Variants in MYO1E observed in about 807,000 individuals in gnomAD.
MYO1E encodes the protein myosin IE, also known as unconventional myosin-Ie.
A neutral mutation model predicts 151.1 loss-of-function variants in MYO1E; 68 were observed. The ratio of observed to expected loss-of-function variants is 0.45; its 90% CI spans 0.37 to 0.55. MYO1E has a LOEUF of 0.55. Among genes scored for constraint, MYO1E ranks in the 20% least tolerant of loss-of-function variants. MYO1E has a pLI of 0.00. For synonymous variants in MYO1E, 601 were observed against 501.7 expected (o/e 1.20, Z -2.64); for missense variants, 1,363 against 1,389.3 (o/e 0.98, Z 0.30).
At chr15:59,340,915 G>A (rs543504448) in intron 1 of MYO1E, among the ~76,000 whole-genome samples, 4 of 151,084 alleles carry the variant, frequency 2.6e-5, no homozygotes, top group South Asian at 2.1e-4. Context: ...CCAGCTACTC[G>A]GGAGGCTGAG....
intron 1 of MYO1E, among the ~76,000 whole-genome samples, chr15:59,314,520 T>C (rs1197907345): frequency 1.3e-5 from 2 of 152,202 alleles, no homozygotes; most frequent in Non-Finnish European, 2.9e-5. Flanking sequence ...AGAAGGCCTC[T>C]GACCCAAGCC....
intron 26 of MYO1E, among the ~76,000 whole-genome samples, chr15:59,143,675 C>T (rs773431814): frequency 2.0e-5 from 3 of 152,140 alleles, no homozygotes; most frequent in Admixed American, 6.5e-5. Flanking sequence ...TTCACCCTCA[C>T]GACACTCCTG....
chr15:59,305,246 G>T (rs12050829), intron 1 of MYO1E, among the ~76,000 whole-genome samples: 42,079 of 151,866 alleles, frequency 0.28, 7,461 homozygotes, highest in African/African-American at 0.5. Context: ...CAGGTTGGAG[G>T]GCAGTGGCAT....
intron 18 of MYO1E, among the ~76,000 whole-genome samples, chr15:59,184,440 A>G (rs1477837584): frequency 6.6e-6 from 1 of 151,930 alleles, no homozygotes; most frequent in East Asian, 1.9e-4. Context: ...CACTCACTGC[A>G]GCCTCTGCCT....
At chr15:59,288,629 T>C (rs553906424) in intron 1 of MYO1E, among the ~76,000 whole-genome samples, 2 of 152,324 alleles carry the variant, frequency 1.3e-5, no homozygotes, top group Non-Finnish European at 2.9e-5. Context: ...ATTGGATGTA[T>C]GATATTTCAA....
intron 1 of MYO1E, among the ~76,000 whole-genome samples, chr15:59,314,108 A>G (rs74482014): frequency 0.01 from 1,546 of 152,284 alleles, 28 homozygotes; most frequent in African/African-American, 0.035. Context: ...AGGGCAGAGT[A>G]TGTTACAGAG....
At chr15:59,172,592 C>G (rs1181041555) in intron 21 of MYO1E, among the ~76,000 whole-genome samples, 3 of 152,172 alleles carry the variant, frequency 2.0e-5, no homozygotes, top group African/African-American at 7.2e-5. Context: ...AACTGGCAAA[C>G]TCATATGGAG....
At chr15:59,202,282 C>G in intron 16 of MYO1E, 44 bp downstream of exon 16, 2 of 1,557,340 alleles carry the variant, frequency 1.3e-6, no homozygotes, top group Non-Finnish European at 1.8e-6. Flanking sequence ...CTAGAAAGCG[C>G]TAGCCCTTAT....
chr15:59,356,046 C>A (rs1266852252), intron 1 of MYO1E, among the ~76,000 whole-genome samples: 1 of 152,208 alleles, frequency 6.6e-6, no homozygotes, highest in Non-Finnish European at 1.5e-5. Flanking sequence ...GGCATCTACA[C>A]TTGTGAAAAT....
At position 59,140,832 on chromosome 15, in the gene MYO1E, C is replaced by T. The variant is rs181696925; in HGVS notation, c.3081-2465G>A. On this transcript the variant is annotated intron_variant, in intron 26 of 27. Transcript: ENST00000288235. ...GAGACTCGGCTTTTACACCACCCCA[C>T]GTGGGAGGGAGCAATCCTCAAGGCT... Among the ~76,000 whole-genome samples the T allele has an allele frequency of 4.9e-4, 74 of 152,306 alleles. 1 individual carries two copies. The highest frequency in any genetic ancestry group is 1.0e-3 in the Admixed American group (16 of 15,312).
chr15:59,330,427 T>C (rs184961357), intron 1 of MYO1E, among the ~76,000 whole-genome samples: 264 of 152,310 alleles, frequency 1.7e-3, no homozygotes, highest in African/African-American at 6.1e-3. Flanking sequence ...GGCAATGCAA[T>C]GTAAAAAGTG....
At chr15:59,161,489 A>G (rs778785674) in intron 23 of MYO1E, among the ~76,000 whole-genome samples, 28 of 152,148 alleles carry the variant, frequency 1.8e-4, no homozygotes, top group Non-Finnish European at 3.7e-4. Context: ...ACATCTGGCT[A>G]ATGTGCCAGT....
intron 9 of MYO1E, among the ~76,000 whole-genome samples, chr15:59,221,535 C>T (rs1321916116): frequency 1.3e-5 from 2 of 152,156 alleles, no homozygotes; most frequent in East Asian, 1.9e-4. Context: ...CCTCAAGCCA[C>T]GTTAATGTAT....
chr15:59,251,921 AG>A (rs550595845), intron 4 of MYO1E, among the ~76,000 whole-genome samples: 132 of 152,380 alleles, frequency 8.7e-4, no homozygotes, highest in African/African-American at 2.9e-3. Flanking sequence ...AAACCAGAAA[AG>A]AAATTTTAAA....
At position 59,295,734 on chromosome 15, in the gene MYO1E, G is replaced by A. The variant is rs536711827; in HGVS notation, c.4-23285C>T. Among the ~76,000 whole-genome samples, 3 of 152,184 alleles carry A rather than the reference G, an allele frequency of 2.0e-5. No individual in the cohort carries two copies. In the South Asian group the frequency reaches 6.2e-4, roughly 32 times the overall value. ...GGTATAATTATCTCGGTGTTACAGC[G>A]TGGAAAGGCTGGCAAAATTCCCCTC... On this transcript the variant is annotated intron_variant, in intron 1 of 27. Coordinates refer to ENST00000288235, the MANE Select transcript of MYO1E (RefSeq NM_004998.4).
At chr15:59,356,807 G>A (rs1272582170) in intron 1 of MYO1E, among the ~76,000 whole-genome samples, 2 of 152,026 alleles carry the variant, frequency 1.3e-5, no homozygotes, top group African/African-American at 2.4e-5. Flanking sequence ...AAGCTCAAGG[G>A]ATCTGCCTCC....
At chr15:59,243,894 C>T (rs1162364504) in intron 4 of MYO1E, among the ~76,000 whole-genome samples, 1 of 151,852 alleles carries the variant, frequency 6.6e-6, no homozygotes, top group African/African-American at 2.4e-5. Flanking sequence ...TTCACAGACT[C>T]CGCTTCCTGG....
At position 59,181,839 on chromosome 15, in the gene MYO1E, TTC is replaced by T. The variant is rs551301781; in HGVS notation, c.1905-3304_1905-3303del. Among the ~76,000 whole-genome samples, 58 of 152,354 alleles carry T rather than the reference TTC, an allele frequency of 3.8e-4. No homozygotes were observed. The South Asian group carries it at 9.1e-3, about 24-fold the overall frequency. On this transcript the variant is annotated intron_variant, in intron 18 of 27. Coordinates refer to ENST00000288235, the MANE Select transcript of MYO1E (RefSeq NM_004998.4). The stretch of plus-strand genomic sequence containing the variant: ...TATCCTTTCCCTTCAGGCTTTTACT[TTC>T]TGTTTCTCATTTGGCAGCCTTTCTG...
At chr15:59,316,358 G>A (rs566287162) in intron 1 of MYO1E, among the ~76,000 whole-genome samples, 20 of 152,144 alleles carry the variant, frequency 1.3e-4, no homozygotes, top group African/African-American at 2.4e-4. Context: ...CTTCCTTGCC[G>A]GCACCCATTA....
Sources: gnomAD v4.1 joint callset for allele counts (sites outside exome capture counted in the v4.1 genomes callset) on GRCh38, gnomAD v4.1.1 for gene constraint, MANE v1.5 for transcripts, NCBI Gene and HGNC (gene_info 2026-07-23, HGNC 2026-07-21) for gene names.